Variants in AFTPH observed in about 807,000 individuals in gnomAD.
AFTPH encodes aftiphilin, also known as aftiphilin protein.
In AFTPH, 7 loss-of-function variants were observed where a neutral mutation model predicts 72.5. The ratio of observed to expected loss-of-function variants is 0.10; its 90% CI spans 0.05 to 0.18. The LOEUF (loss-of-function observed/expected upper bound fraction) is 0.18, where lower values mean the gene tolerates loss of function less well. Ranked by LOEUF, AFTPH falls within the 10% of genes least tolerant of loss-of-function variation. AFTPH has a pLI of 1.00. For missense variants in AFTPH, 979 were observed against 1,060.5 expected, an observed-to-expected ratio of 0.92 and a Z score of 1.07; for synonymous variants, 337 against 370.1, an observed-to-expected ratio of 0.91 and a Z score of 1.03.
At chr2:64,584,645 G>A (rs928680759) in intron 7 of AFTPH, among the ~76,000 whole-genome samples, 1 of 132,418 alleles carries the variant, frequency 7.6e-6, no homozygotes, top group Non-Finnish European at 1.5e-5. Flanking sequence ...CACCCAGGCT[G>A]GAGTGCAGTG....
chr2:64,553,369 T>A (rs140720404), exon 2 of AFTPH: 2 of 1,602,704 alleles, frequency 1.2e-6, no homozygotes. Context: ...AAAGGAGCAG[T>A]TGCTAGTGGC....
At chr2:64,582,176 G>T (rs1673246518) in intron 7 of AFTPH, among the ~76,000 whole-genome samples, 1 of 152,206 alleles carries the variant, frequency 6.6e-6, no homozygotes, top group South Asian at 2.1e-4. Flanking sequence ...TGCATAGTGA[G>T]AGTCCCTTTC....
chr2:64,579,455 T>C, intron 6 of AFTPH, 31 bp from the exon 7 acceptor site: 1 of 1,600,382 alleles, frequency 6.2e-7, no homozygotes, highest in Non-Finnish European at 8.6e-7. Flanking sequence ...CCTGTACTGA[T>C]TAATTTTGAT....
chr2:64,533,047 CCTAA>C (rs998513218), intron 1 of AFTPH, among the ~76,000 whole-genome samples: 4 of 152,096 alleles, frequency 2.6e-5, no homozygotes, highest in Non-Finnish European at 4.4e-5. Context: ...AACTGGGCTT[CCTAA>C]CTATCAAACA....
intron 1 of AFTPH, among the ~76,000 whole-genome samples, chr2:64,542,366 A>AT (rs1047315830): frequency 5.3e-5 from 8 of 152,056 alleles, no homozygotes; most frequent in Non-Finnish European, 1.0e-4. Context: ...TACCCTATAT[A>AT]TTTCCCACAT....
chr2:64,578,532 C>T (rs150824244), intron 6 of AFTPH, among the ~76,000 whole-genome samples: 47 of 150,328 alleles, frequency 3.1e-4, no homozygotes, highest in African/African-American at 9.8e-4. Context: ...TTGACAGTTA[C>T]GAAATTTAAA....
At position 64,573,242 on chromosome 2, in the gene AFTPH, T is replaced by C. The variant is rs143039082; in HGVS notation, c.2394+174T>C. ...CCCTTGGAATACAATGAACAAATTG[T>C]CTTTAATTTTCAAAAACAGAAAAGC... is the stretch of plus-strand genomic sequence containing the variant. On this transcript the variant is annotated intron_variant, in intron 6 of 8. Coordinates refer to ENST00000238856, the Ensembl canonical transcript of AFTPH. Among the ~76,000 whole-genome samples, 14 of 152,300 alleles carry C rather than the reference T, an allele frequency of 9.2e-5. No individual in the cohort carries two copies. In the East Asian group the frequency reaches 2.7e-3, roughly 29 times the overall value.
intron 5 of AFTPH, among the ~76,000 whole-genome samples, chr2:64,570,069 T>G (rs778184778): frequency 2.1e-4 from 32 of 152,336 alleles, no homozygotes; most frequent in Non-Finnish European, 4.0e-4. Flanking sequence ...GCTATAGATG[T>G]ACATAAAAGC....
chr2:64,560,039 A>G (rs754509645), intron 2 of AFTPH, among the ~76,000 whole-genome samples: 3 of 152,142 alleles, frequency 2.0e-5, no homozygotes, highest in Non-Finnish European at 2.9e-5. Context: ...TGGGCACCCC[A>G]TGGCCCAGTC....
chr2:64,588,191 A>C (rs1306947709), intron 8 of AFTPH, among the ~76,000 whole-genome samples: 2 of 151,994 alleles, frequency 1.3e-5, no homozygotes, highest in Non-Finnish European at 2.9e-5. Flanking sequence ...TATTTCATAT[A>C]GATGGAATTC....
At chr2:64,550,829 C>G (rs1466371033) in intron 1 of AFTPH, among the ~76,000 whole-genome samples, 2 of 151,958 alleles carry the variant, frequency 1.3e-5, no homozygotes, top group African/African-American at 4.8e-5. Flanking sequence ...TACCTTATTA[C>G]TATATTACCA....
At chr2:64,565,597 C>T (rs547980691) in intron 2 of AFTPH, among the ~76,000 whole-genome samples, 48 of 152,156 alleles carry the variant, frequency 3.2e-4, no homozygotes, top group East Asian at 1.9e-3. Flanking sequence ...ACTGCTCTAC[C>T]TCAAGGGGCA....
At chr2:64,550,686 C>G (rs1405044816) in intron 1 of AFTPH, among the ~76,000 whole-genome samples, 4 of 49,412 alleles carry the variant, frequency 8.1e-5, no homozygotes, top group African/African-American at 4.2e-4. Flanking sequence ...TGCACACACA[C>G]ACACACACAC....
chr2:64,584,653 G>C (rs1056166987), intron 7 of AFTPH, among the ~76,000 whole-genome samples: 10 of 139,560 alleles, frequency 7.2e-5, no homozygotes, highest in African/African-American at 1.1e-4. Context: ...CTGGAGTGCA[G>C]TGGCGTGATC....
At chr2:64,552,127 A>G in exon 2 of AFTPH, 5 of 1,614,148 alleles carry the variant, frequency 3.1e-6, no homozygotes, top group Non-Finnish European at 4.2e-6. Flanking sequence ...CATAGCACTG[A>G]GTATAATTTA....
At chr2:64,591,787 C>T (rs1558637024) in intron 8 of AFTPH, 101 bp from the exon 10 acceptor site, 1 of 1,289,212 alleles carries the variant, frequency 7.8e-7, no homozygotes, top group South Asian at 1.3e-5. Flanking sequence ...TACTCAAGTC[C>T]CCACAGATTG....
intron 1 of AFTPH, among the ~76,000 whole-genome samples, chr2:64,532,186 CTGTAAGTGCAAAGACCCTG>C (rs141490310): frequency 0.022 from 3,394 of 152,146 alleles, 128 homozygotes; most frequent in African/African-American, 0.075. Context: ...GGCACTGGGA[CTGTAAGTGCAAAGACCCTG>C]TGGCACAAGG....
At chr2:64,524,516 A>G (rs912461676) in exon 1 of AFTPH, 28 of 399,138 alleles carry the variant, frequency 7.0e-5, no homozygotes, top group Non-Finnish European at 1.1e-4. Context: ...TTCCGCTCTC[A>G]CCAGTTCCGC....
intron 5 of AFTPH, 110 bp downstream of exon 5, chr2:64,569,789 AAT>A: frequency 2.1e-6 from 2 of 972,096 alleles, no homozygotes; most frequent in Non-Finnish European, 3.2e-6. Context: ...TTAGTGTTGG[AAT>A]CTGAAGGGTA....
Sources: gnomAD v4.1 joint callset for allele counts (sites outside exome capture counted in the v4.1 genomes callset) on GRCh38, gnomAD v4.1.1 for gene constraint, MANE v1.5 for transcripts, NCBI Gene and HGNC (gene_info 2026-07-23, HGNC 2026-07-21) for gene names.